Variants in PREX1 observed in about 807,000 individuals in gnomAD.
PREX1 encodes the protein phosphatidylinositol 3,4,5-trisphosphate-dependent Rac exchanger 1 protein.
In PREX1, 41 loss-of-function variants were observed where a neutral mutation model predicts 198.3. That is an observed-to-expected ratio of 0.21 (90% confidence interval 0.16 to 0.27). The LOEUF is 0.27. PREX1 is among the 10% of genes least tolerant of loss of function. The probability of loss-of-function intolerance (pLI) is 1.00; values close to 1 mark genes in which losing one functional copy is unlikely to be tolerated. For synonymous variants in PREX1, 843 were observed against 887.2 expected (o/e 0.95, Z 0.89); for missense variants, 1,620 against 2,200.7 (o/e 0.74, Z 5.28).
chr20:48,815,221 A>G (rs2090454150), intron 1 of PREX1, among the ~76,000 whole-genome samples: 1 of 152,208 alleles, frequency 6.6e-6, no homozygotes, highest in African/African-American at 2.4e-5. Context: ...AATAACTACC[A>G]GAACAAGGAG....
intron 13 of PREX1, among the ~76,000 whole-genome samples, chr20:48,679,097 C>T (rs2089729051): frequency 6.6e-6 from 1 of 152,190 alleles, no homozygotes; most frequent in Non-Finnish European, 1.5e-5. Flanking sequence ...GTAACTCTGC[C>T]CAAGGTCACA....
At chr20:48,646,675 CAAAAA>C (rs552888256) in intron 25 of PREX1, among the ~76,000 whole-genome samples, 1 of 82,528 alleles carries the variant, frequency 1.2e-5, no homozygotes, top group Non-Finnish European at 2.5e-5. Context: ...GAACCCATCT[CAAAAA>C]AAAAAAAAAA....
chr20:48,756,088 AAT>A (rs1476704319), intron 1 of PREX1, among the ~76,000 whole-genome samples: 2 of 152,164 alleles, frequency 1.3e-5, no homozygotes, highest in East Asian at 3.8e-4. Context: ...CGGCAAGGCA[AAT>A]ATGAGATGGA....
At chr20:48,858,391 C>T in the PREX1 span, among the ~76,000 whole-genome samples, 2 of 152,370 alleles carry the variant, frequency 1.3e-5, no homozygotes, top group Admixed American at 1.3e-4. Context: ...TCGGCTTCTG[C>T]AGGTCACACT....
At chr20:48,776,516 G>T (rs6012525) in intron 1 of PREX1, among the ~76,000 whole-genome samples, 183 of 152,352 alleles carry the variant, frequency 1.2e-3, no homozygotes, top group African/African-American at 4.1e-3. Context: ...GGAGTCCACG[G>T]GGCGGGGCTG....
intron 5 of PREX1, among the ~76,000 whole-genome samples, chr20:48,723,389 G>A (rs980875838): frequency 6.6e-6 from 1 of 152,202 alleles, no homozygotes; most frequent in African/African-American, 2.4e-5. Flanking sequence ...GAGGTGGGGG[G>A]GACAGAATTC....
chr20:48,771,673 C>A (rs1601125967), intron 1 of PREX1, among the ~76,000 whole-genome samples: 1 of 152,140 alleles, frequency 6.6e-6, no homozygotes, highest in African/African-American at 2.4e-5. Flanking sequence ...CAAGCCTTAT[C>A]AGCCGTGCAG....
intron 5 of PREX1, among the ~76,000 whole-genome samples, chr20:48,715,507 G>A (rs772287385): frequency 2.0e-5 from 3 of 152,072 alleles, no homozygotes; most frequent in Non-Finnish European, 4.4e-5. Flanking sequence ...TCTCTACTTC[G>A]CCTCCACCAC....
At chr20:48,789,912 A>G (rs1169368292) in intron 1 of PREX1, among the ~76,000 whole-genome samples, 1 of 152,112 alleles carries the variant, frequency 6.6e-6, no homozygotes, top group Non-Finnish European at 1.5e-5. Context: ...AGGAAAGAAG[A>G]AGGGAGAAAA....
intron 1 of PREX1, among the ~76,000 whole-genome samples, chr20:48,818,790 T>C (rs904577715): frequency 3.9e-5 from 6 of 152,240 alleles, no homozygotes; most frequent in Non-Finnish European, 7.3e-5. Context: ...AAGGGGCACC[T>C]TCCTTTGTCT....
In PREX1 at chr20:48,684,406, A is replaced by G. The variant is rs1199224856; in HGVS notation, c.1335-3071T>C. On this transcript the variant is annotated intron_variant, in intron 10 of 39. Coordinates refer to ENST00000371941, the MANE Select transcript of PREX1 (RefSeq NM_020820.4). The surrounding 1 kb of genome is among the most constrained non-coding windows in gnomAD (Gnocchi z 4.2). ...CTCAGGGATGCCTCCTGGAGATGACAATGTTGGACAAATCCTTACCGACCC... is the reference window on the plus strand; with the variant it reads ...CTCAGGGATGCCTCCTGGAGATGACGATGTTGGACAAATCCTTACCGACCC... Among the ~76,000 whole-genome samples, 1 of 152,090 alleles carries G rather than the reference A, an allele frequency of 6.6e-6. No individual in the cohort carries two copies. The highest frequency in any genetic ancestry group is 1.5e-5 in the Non-Finnish European group (1 of 68,000).
At chr20:48,688,922 C>T in intron 9 of PREX1, 118 bp from the exon 10 acceptor site, 1 of 1,210,714 alleles carries the variant, frequency 8.3e-7, no homozygotes, top group Non-Finnish European at 1.2e-6. Context: ...GCCCCACCAC[C>T]TGCCCTCCAC....
intron 1 of PREX1, among the ~76,000 whole-genome samples, chr20:48,771,900 A>C (rs2122883435): frequency 6.6e-6 from 1 of 152,248 alleles, no homozygotes; most frequent in East Asian, 1.9e-4. Flanking sequence ...TCCTCTAAAA[A>C]TGATGTGTCT....
chr20:48,784,633 A>C (rs896475183), intron 1 of PREX1, among the ~76,000 whole-genome samples: 1 of 152,186 alleles, frequency 6.6e-6, no homozygotes, highest in Non-Finnish European at 1.5e-5. Context: ...TTCCCTAAAG[A>C]AGCCCCTTTT....
At chr20:48,760,490 T>G (rs1172675648) in intron 1 of PREX1, among the ~76,000 whole-genome samples, 1 of 151,958 alleles carries the variant, frequency 6.6e-6, no homozygotes, top group Non-Finnish European at 1.5e-5. Flanking sequence ...ACCACGTGAC[T>G]TCAGCAAGTC....
At chr20:48,701,598 C>T (rs1470884968) in intron 6 of PREX1, among the ~76,000 whole-genome samples, 1 of 152,122 alleles carries the variant, frequency 6.6e-6, no homozygotes, top group East Asian at 1.9e-4. Context: ...TATATCTCCC[C>T]CACCTAAATG....
chr20:48,878,973 C>G, the PREX1 span, among the ~76,000 whole-genome samples: 3 of 152,232 alleles, frequency 2.0e-5, no homozygotes, highest in Non-Finnish European at 4.4e-5. Context: ...TGAGTAAAAT[C>G]AGTGCCAGGG....
the PREX1 span, among the ~76,000 whole-genome samples, chr20:48,877,966 G>A: frequency 7.9e-5 from 12 of 152,166 alleles, no homozygotes; most frequent in East Asian, 3.9e-4. Context: ...AAAATTAGCC[G>A]GGCATGGTGG....
rs779015412 is a variant in PREX1, at chr20:48,639,909, T to C, written c.3776-15A>G. The C allele has an allele frequency of 1.9e-6, 3 of 1,613,406 alleles. No individual in the cohort carries two copies. In the East Asian group the frequency reaches 6.7e-5, roughly 36 times the overall value. On this transcript the variant is annotated splice_polypyrimidine_tract_variant and intron_variant, in intron 29 of 39. Coordinates refer to ENST00000371941, the MANE Select transcript of PREX1 (RefSeq NM_020820.4). Reference sequence around the variant, plus strand: ...CTGTTTAAACTCTGGGGCAGGAAAGTGGCATGAGGGCCAGGGAAGGGACGG... The same window carrying C: ...CTGTTTAAACTCTGGGGCAGGAAAGCGGCATGAGGGCCAGGGAAGGGACGG...
Sources: allele counts gnomAD v4.1 joint callset (sites outside exome capture counted in the v4.1 genomes callset), GRCh38; gene constraint gnomAD v4.1.1; non-coding constraint Gnocchi (gnomAD v3.1); transcripts MANE v1.5; gene names NCBI Gene and HGNC (gene_info 2026-07-23, HGNC 2026-07-21).